Variants in TIAM1 observed in about 807,000 individuals in gnomAD.
The protein encoded by TIAM1 is TIAM Rac1 associated GEF 1.
Under a neutral mutation model 163.5 loss-of-function variants are expected in TIAM1, and 65 were observed. That is an observed-to-expected ratio of 0.40 (90% CI 0.33 to 0.49). TIAM1 has a LOEUF of 0.49. Ranked by LOEUF, TIAM1 falls within the 20% of genes least tolerant of loss-of-function variation. TIAM1 has a pLI of 0.77. For missense variants in TIAM1, 1,789 were observed against 2,044.7 expected, an observed-to-expected ratio of 0.87 and a Z score of 2.41; for synonymous variants, 833 against 810.1, an observed-to-expected ratio of 1.03 and a Z score of -0.48.
At chr21:31,471,442 T>C (rs2045737700) in intron 1 of TIAM1, among the ~76,000 whole-genome samples, 1 of 150,938 alleles carries the variant, frequency 6.6e-6, no homozygotes, top group African/African-American at 2.4e-5. Context: ...TGCCTTCAGA[T>C]GTGTGTTGGG....
rs1372277589 is a variant in TIAM1 at position 31,367,466 on chromosome 21, A to G, written c.-368-28044T>C. On this transcript the variant is annotated intron_variant, in intron 2 of 28. Coordinates refer to the TIAM1 transcript ENST00000286827. ...TCACTAGTTATCCATTTTAAATGGC[A>G]TTTGGATTCTTTTTTTCTTTGTGAA... is the stretch of plus-strand genomic sequence containing the variant. 2.6e-5 allele frequency among the ~76,000 whole-genome samples: 4 copies of G among 152,252 alleles called. No individual in the cohort carries two copies. The East Asian group carries it at 7.7e-4, about 29-fold the overall frequency.
chr21:31,260,243 CTT>C (rs36068901), intron 4 of TIAM1, among the ~76,000 whole-genome samples: 2 of 138,170 alleles, frequency 1.4e-5, no homozygotes, highest in South Asian at 2.2e-4. Flanking sequence ...CACATATATA[CTT>C]TTTTTTTTTT....
chr21:31,198,675 T>C (rs897390152), intron 12 of TIAM1, among the ~76,000 whole-genome samples: 1 of 152,216 alleles, frequency 6.6e-6, no homozygotes, highest in African/African-American at 2.4e-5. Flanking sequence ...AAACCCTTCC[T>C]CCAGGTGGCA....
chr21:31,392,951 C>G (rs1210885019), intron 2 of TIAM1, among the ~76,000 whole-genome samples: 2 of 131,604 alleles, frequency 1.5e-5, no homozygotes, highest in African/African-American at 6.2e-5. Context: ...CCAAATAAAC[C>G]TGTCTTCTTT....
chr21:31,508,350 T>G (rs1002243839), intron 1 of TIAM1, among the ~76,000 whole-genome samples: 2 of 151,752 alleles, frequency 1.3e-5, no homozygotes, highest in Admixed American at 6.6e-5. Flanking sequence ...AGGAGAGAGA[T>G]AGAGAAATAA....
intron 2 of TIAM1, among the ~76,000 whole-genome samples, chr21:31,294,131 G>C (rs2074139544): frequency 6.6e-6 from 1 of 152,212 alleles, no homozygotes; most frequent in Admixed American, 6.5e-5. Flanking sequence ...TTCCAATGCA[G>C]CTGGGCTTAA....
chr21:31,151,651 G>A (rs1038351762), intron 19 of TIAM1, among the ~76,000 whole-genome samples: 1 of 152,088 alleles, frequency 6.6e-6, no homozygotes, highest in Non-Finnish European at 1.5e-5. Flanking sequence ...TGATTGTGAC[G>A]ATGGTTTCAT....
At chr21:31,514,897 A>G (rs2047331062) in intron 1 of TIAM1, among the ~76,000 whole-genome samples, 1 of 152,240 alleles carries the variant, frequency 6.6e-6, no homozygotes, top group South Asian at 2.1e-4. Context: ...TCCAGCGGAA[A>G]GCCGATGTTA....
chr21:31,411,471 C>CT (rs11362012), intron 2 of TIAM1, among the ~76,000 whole-genome samples: 16,804 of 102,642 alleles, frequency 0.16, 1,492 homozygotes, highest in African/African-American at 0.26. Flanking sequence ...TCCCAAGAAA[C>CT]TTTTTTTTTT....
intron 1 of TIAM1, among the ~76,000 whole-genome samples, chr21:31,524,026 AAAT>A (rs1404456044): frequency 6.6e-6 from 1 of 151,998 alleles, no homozygotes; most frequent in Non-Finnish European, 1.5e-5. Context: ...CAAAAAAAAA[AAAT>A]AGTGTACTCT....
chr21:31,318,984 C>G (rs1327653004), intron 2 of TIAM1, among the ~76,000 whole-genome samples: 1 of 152,196 alleles, frequency 6.6e-6, no homozygotes, highest in Non-Finnish European at 1.5e-5. Context: ...CTGCTCCAGC[C>G]TCCCAGCTGG....
intron 2 of TIAM1, among the ~76,000 whole-genome samples, chr21:31,387,554 G>A (rs1387852977): frequency 6.6e-6 from 1 of 151,832 alleles, no homozygotes; most frequent in Non-Finnish European, 1.5e-5. Flanking sequence ...TGGTGTGCAG[G>A]GACACTGTCT....
chr21:31,388,894 G>C (rs775663979), intron 2 of TIAM1, among the ~76,000 whole-genome samples: 1 of 152,160 alleles, frequency 6.6e-6, no homozygotes, highest in Non-Finnish European at 1.5e-5. Flanking sequence ...GAAGACAAGG[G>C]GAAAGAAGGG....
At chr21:31,343,543 C>G (rs1412722448) in intron 1 of TIAM1, among the ~76,000 whole-genome samples, 1 of 152,302 alleles carries the variant, frequency 6.6e-6, no homozygotes, top group African/African-American at 2.4e-5. Flanking sequence ...AACCTAGAGT[C>G]GAACTAATTT....
At chr21:31,554,024 A>G (rs1483173215) in intron 1 of TIAM1, among the ~76,000 whole-genome samples, 2 of 152,124 alleles carry the variant, frequency 1.3e-5, no homozygotes, top group Admixed American at 6.6e-5. Context: ...GGATTGACCT[A>G]TGTTTACAAG....
In TIAM1 at chr21:31,245,498, A is replaced by C; in HGVS notation, c.1574T>G (p.Phe525Cys). 6.6e-7 allele frequency: 1 copy of C among 1,506,226 alleles called. No homozygotes were observed. Among genetic ancestry groups the C allele is most frequent in the Non-Finnish European group, 8.9e-7 (1 of 1,120,540 alleles). The allele number at this position is 1,506,226 out of a possible 1,614,324, so 93.3% of individuals were successfully genotyped here. The change falls in exon 6 of 28, where the codon TTC becomes TGC. Residue 525 changes from phenylalanine to cysteine, a missense_variant. By Grantham distance (205) the Phe-to-Cys change is radical. Transcript: ENST00000541036. ...AAGTGCCCAACAAACCTGAAAAAGG[A>C]AGGCATCACCCAGGGAATTGCTGAG... The part of the protein sequence containing the change: ...FCLSNSLGDA[F>C]LFQTTSQTEL...
chr21:31,172,377 A>T (rs1239876399), intron 15 of TIAM1, among the ~76,000 whole-genome samples: 1 of 152,100 alleles, frequency 6.6e-6, no homozygotes, highest in East Asian at 1.9e-4. Context: ...TACTCACAAT[A>T]GTAGTAGGTG....
chr21:31,453,907 C>T (rs2044984181), intron 2 of TIAM1, among the ~76,000 whole-genome samples: 1 of 152,112 alleles, frequency 6.6e-6, no homozygotes. Flanking sequence ...CTGGTCCAGG[C>T]ACACTGGCCA....
intron 20 of TIAM1, among the ~76,000 whole-genome samples, chr21:31,144,271 T>A (rs2082998091): frequency 6.6e-6 from 1 of 152,188 alleles, no homozygotes; most frequent in Non-Finnish European, 1.5e-5. Flanking sequence ...ATGGATTTTG[T>A]GGGGCATCCC....
Sources: gnomAD v4.1 joint callset for allele counts (sites outside exome capture counted in the v4.1 genomes callset) on GRCh38, gnomAD v4.1.1 for gene constraint, MANE v1.5 for transcripts, NCBI Gene and HGNC (gene_info 2026-07-23, HGNC 2026-07-21) for gene names.